The following RAPGEF6 variants were observed in gnomAD, a reference collection of about 807,000 sequenced individuals.
RAPGEF6 encodes PDZ domain containing guanine nucleotide exchange factor (GEF) 2.
In RAPGEF6, 56 loss-of-function variants were observed where a neutral mutation model predicts 171.4. That is an observed-to-expected ratio of 0.33 (90% CI 0.26 to 0.41). RAPGEF6 has a LOEUF of 0.41. Among genes scored for constraint, RAPGEF6 ranks in the 10% least tolerant of loss-of-function variants. The probability of loss-of-function intolerance (pLI) is 1.00; values close to 1 mark genes in which losing one functional copy is unlikely to be tolerated. For missense variants in RAPGEF6, 1,674 were observed against 1,921.4 expected, an observed-to-expected ratio of 0.87 and a Z score of 2.41; for synonymous variants, 692 against 650.1, an observed-to-expected ratio of 1.06 and a Z score of -0.98.
At chr5:131,507,980 G>A in intron 9 of RAPGEF6, 91 bp downstream of exon 9, 1 of 1,155,558 alleles carries the variant, frequency 8.7e-7, no homozygotes, top group Non-Finnish European at 1.2e-6. Flanking sequence ...TCAAAAATCA[G>A]TACTCAAAAA....
chr5:131,601,691 A>C (rs191314738), intron 3 of RAPGEF6, among the ~76,000 whole-genome samples: 108 of 152,316 alleles, frequency 7.1e-4, no homozygotes, highest in Middle Eastern at 3.4e-3. Context: ...GGGTTGTCAA[A>C]CATGTAGAGC....
intron 15 of RAPGEF6, among the ~76,000 whole-genome samples, chr5:131,487,479 G>C (rs1488760632): frequency 6.6e-6 from 1 of 152,100 alleles, no homozygotes; most frequent in Non-Finnish European, 1.5e-5. Flanking sequence ...AGTGCTGATT[G>C]GTGCATTTAC....
At chr5:131,564,113 G>A (rs1303440649) in intron 4 of RAPGEF6, among the ~76,000 whole-genome samples, 1 of 152,210 alleles carries the variant, frequency 6.6e-6, no homozygotes, top group African/African-American at 2.4e-5. Flanking sequence ...GCGTAACACA[G>A]CCTGACAATT....
chr5:131,548,093 T>C lies in RAPGEF6; in HGVS notation c.449A>G (p.Glu150Gly). 6.2e-7 allele frequency: 1 copy of C among 1,614,014 alleles called. No homozygotes were observed. The highest frequency in any genetic ancestry group is 1.1e-5 in the South Asian group (1 of 91,076). ...CACATCATCAGTAATGGTTTGGCGC[T>C]CTCCTTTATAGTTAATTTTCCGAAA... is the stretch of plus-strand genomic sequence containing the variant. ...RRFRKINYKG[E>G]RQTITDDVEV... The change falls in exon 6 of 28, where the codon GAG becomes GGG. Residue 150 changes from glutamate to glycine, a missense_variant. By Grantham distance (98) the Glu-to-Gly change is moderately conservative. This residue lies in a region of RAPGEF6 where 1,116 missense variants were observed against 1,321.5 expected (regional missense o/e 0.84). Coordinates refer to ENST00000509018, the MANE Select transcript of RAPGEF6 (RefSeq NM_016340.6).
intron 1 of RAPGEF6, among the ~76,000 whole-genome samples, chr5:131,631,475 T>C (rs1396359517): frequency 6.6e-6 from 1 of 152,232 alleles, no homozygotes; most frequent in East Asian, 1.9e-4. Flanking sequence ...TCCTGTTGGC[T>C]AACCCTACAA....
intron 15 of RAPGEF6, among the ~76,000 whole-genome samples, chr5:131,481,302 T>C (rs896716599): frequency 3.3e-5 from 5 of 151,816 alleles, no homozygotes; most frequent in African/African-American, 9.7e-5. Flanking sequence ...CAGGGCTCAC[T>C]GCAGCCTGGA....
chr5:131,431,731 C>A (rs1018220764), intron 25 of RAPGEF6, among the ~76,000 whole-genome samples: 7 of 151,702 alleles, frequency 4.6e-5, no homozygotes, highest in African/African-American at 1.7e-4. Context: ...CTCAAGTGAT[C>A]CTCCCGCCTC....
intron 6 of RAPGEF6, among the ~76,000 whole-genome samples, chr5:131,544,207 T>A (rs1760351765): frequency 6.6e-6 from 1 of 152,142 alleles, no homozygotes; most frequent in Non-Finnish European, 1.5e-5. Flanking sequence ...GGTATTAACC[T>A]AAGAGAAATG....
chr5:131,610,642 G>A (rs1273365318), intron 1 of RAPGEF6, among the ~76,000 whole-genome samples: 2 of 152,172 alleles, frequency 1.3e-5, no homozygotes, highest in Non-Finnish European at 2.9e-5. Context: ...CTGCAGAGCT[G>A]ATTATGTGAG....
intron 4 of RAPGEF6, among the ~76,000 whole-genome samples, chr5:131,582,840 G>A (rs963922435): frequency 2.0e-5 from 3 of 152,178 alleles, no homozygotes; most frequent in African/African-American, 7.2e-5. Flanking sequence ...GACTGCCGGT[G>A]AGAATATAAA....
chr5:131,456,735 A>C (rs907067504), intron 19 of RAPGEF6, among the ~76,000 whole-genome samples: 5 of 152,204 alleles, frequency 3.3e-5, no homozygotes, highest in African/African-American at 9.6e-5. Context: ...CAGCCATCTG[A>C]CTTTTACCAA....
At chr5:131,630,127 T>C (rs1221136991) in intron 1 of RAPGEF6, among the ~76,000 whole-genome samples, 1 of 152,176 alleles carries the variant, frequency 6.6e-6, no homozygotes, top group Non-Finnish European at 1.5e-5. Flanking sequence ...CAAACTTCAT[T>C]GTCTTATTTT....
chr5:131,516,322 G>A (rs1758082894), intron 7 of RAPGEF6, among the ~76,000 whole-genome samples: 3 of 151,968 alleles, frequency 2.0e-5, no homozygotes, highest in South Asian at 2.1e-4. Flanking sequence ...GACCTCAAGT[G>A]ATCCACCGAA....
intron 5 of RAPGEF6, among the ~76,000 whole-genome samples, chr5:131,556,487 GAC>G (rs1209483232): frequency 6.6e-6 from 1 of 152,042 alleles, no homozygotes; most frequent in African/African-American, 2.4e-5. Flanking sequence ...CCAACAATGA[GAC>G]ATACTACATT....
At chr5:131,475,649 T>C (rs1366182155) in intron 16 of RAPGEF6, among the ~76,000 whole-genome samples, 1 of 152,210 alleles carries the variant, frequency 6.6e-6, no homozygotes, top group Non-Finnish European at 1.5e-5. Context: ...AAAACAGATT[T>C]CCTGAAATGT....
intron 1 of RAPGEF6, among the ~76,000 whole-genome samples, chr5:131,631,609 C>T (rs545605581): frequency 1.3e-5 from 2 of 152,270 alleles, no homozygotes; most frequent in Admixed American, 1.3e-4. Context: ...TGCTTTTGCC[C>T]TTAAACACCT....
At chr5:131,533,205 CA>C (rs1449439019) in intron 6 of RAPGEF6, among the ~76,000 whole-genome samples, 6 of 148,568 alleles carry the variant, frequency 4.0e-5, no homozygotes, top group African/African-American at 1.5e-4. Context: ...CACACACACA[CA>C]CACACACCCC....
At chr5:131,577,773 T>C (rs947835127) in intron 4 of RAPGEF6, among the ~76,000 whole-genome samples, 2 of 152,164 alleles carry the variant, frequency 1.3e-5, no homozygotes, top group African/African-American at 2.4e-5. Context: ...TCCCTCCTCT[T>C]CCTCTTGGAA....
Position 131,492,640 on chromosome 5 carries a change from A to G in RAPGEF6, c.1673T>C (p.Val558Ala). 1 of 1,614,202 alleles carries G rather than the reference A, an allele frequency of 6.2e-7. No individual in the cohort carries two copies. The highest frequency in any genetic ancestry group is 8.5e-7 in the Non-Finnish European group (1 of 1,180,030). Reference protein sequence around the residue: ...GGSEKGFGIFVEGVEPGSKAA... With the variant: ...GGSEKGFGIFAEGVEPGSKAA... ...TTTGCTACCAGGTTCTACTCCTTCA[A>G]CAAAAATACCAAATCCCTTCTCACT... The change falls in exon 14 of 28, where the codon GTT becomes GCT. Residue 558 changes from valine (V) to alanine (A), a missense_variant. This residue lies in a region of RAPGEF6 where 1,116 missense variants were observed against 1,321.5 expected (regional missense o/e 0.84). Transcript: ENST00000509018.
Sources: gnomAD v4.1 joint callset for allele counts (sites outside exome capture counted in the v4.1 genomes callset) on GRCh38, gnomAD v4.1.1 for gene constraint, gnomAD v4.1.1 regional missense constraint, MANE v1.5 for transcripts, NCBI Gene and HGNC (gene_info 2026-07-23, HGNC 2026-07-21) for gene names.